Variants in MAST4 observed in about 807,000 individuals in gnomAD.
MAST4 encodes microtubule associated serine/threonine kinase family member 4.
MAST4 carries 89 observed loss-of-function variants against 162.7 expected under a neutral mutation model. The observed-to-expected ratio is 0.55, with a 90% CI of 0.46 to 0.65. MAST4 has a LOEUF of 0.65. Among genes scored for constraint, MAST4 ranks in the 30% least tolerant of loss-of-function variants. The pLI, the probability that MAST4 is intolerant of heterozygous loss-of-function variation, is 0.00. For missense variants in MAST4, 3,153 were observed against 3,374.0 expected, an observed-to-expected ratio of 0.93 and a Z score of 1.62; for synonymous variants, 1,479 against 1,361.1, an observed-to-expected ratio of 1.09 and a Z score of -1.91.
intron 14 of MAST4, among the ~76,000 whole-genome samples, chr5:67,129,428 T>C (rs1768661204): frequency 6.6e-6 from 1 of 152,134 alleles, no homozygotes; most frequent in African/African-American, 2.4e-5. Flanking sequence ...TAGAAAATTA[T>C]TGCTTTAGGG....
intron 2 of MAST4, among the ~76,000 whole-genome samples, chr5:66,776,590 G>C (rs1281698011): frequency 6.6e-6 from 1 of 152,100 alleles, no homozygotes; most frequent in Non-Finnish European, 1.5e-5. Flanking sequence ...ACAAACACTT[G>C]AGCCAAACTT....
chr5:66,690,508 C>T (rs1580205750), intron 1 of MAST4, among the ~76,000 whole-genome samples: 1 of 152,164 alleles, frequency 6.6e-6, no homozygotes, highest in South Asian at 2.1e-4. Flanking sequence ...CACTGGCTAG[C>T]AGTTTTTGGA....
intron 3 of MAST4, among the ~76,000 whole-genome samples, chr5:66,821,581 C>T (rs892715609): frequency 2.6e-5 from 4 of 151,982 alleles, no homozygotes; most frequent in East Asian, 1.9e-4. Flanking sequence ...TAACAGCAGG[C>T]GGTAGTATTG....
chr5:67,036,942 A>G (rs752659734), intron 4 of MAST4, among the ~76,000 whole-genome samples: 19 of 152,298 alleles, frequency 1.2e-4, no homozygotes, highest in Non-Finnish European at 2.2e-4. Flanking sequence ...GAGACTAATC[A>G]TTTGTCCCTC....
At chr5:66,776,950 A>C (rs1394782659) in intron 2 of MAST4, among the ~76,000 whole-genome samples, 1 of 152,118 alleles carries the variant, frequency 6.6e-6, no homozygotes, top group Non-Finnish European at 1.5e-5. Flanking sequence ...ATTCAATGCC[A>C]ATGGTGCCAG....
chr5:66,871,907 AT>A (rs1338819491), intron 3 of MAST4, among the ~76,000 whole-genome samples: 1 of 152,164 alleles, frequency 6.6e-6, no homozygotes, highest in Admixed American at 6.5e-5. Flanking sequence ...AGGGTGGAAA[AT>A]TTTGCCAATT....
chr5:66,975,397 C>A (rs569124875), intron 4 of MAST4, among the ~76,000 whole-genome samples: 2 of 152,156 alleles, frequency 1.3e-5, no homozygotes, highest in Admixed American at 1.3e-4. Flanking sequence ...AGCACTTTCA[C>A]GTTCATGTTA....
chr5:66,711,784 G>A (rs1003305832), intron 1 of MAST4, among the ~76,000 whole-genome samples: 3 of 152,160 alleles, frequency 2.0e-5, no homozygotes, highest in Admixed American at 6.5e-5. Context: ...GCAGTGTGCC[G>A]AGATCATGCC....
chr5:67,069,833 C>T (rs906420981), intron 5 of MAST4, among the ~76,000 whole-genome samples: 6 of 150,920 alleles, frequency 4.0e-5, no homozygotes, highest in South Asian at 2.1e-4. Flanking sequence ...CCAGAGTGAC[C>T]GGCCAGTGTC....
chr5:67,114,231 G>A lies in MAST4; in HGVS notation c.1591+12G>A, dbSNP rs764675940. On this transcript the variant is annotated intron_variant, in intron 12 of 28. Transcript: ENST00000403625. The stretch of plus-strand genomic sequence containing the variant: ...GGATCCCTTGGAAGGTGAGTCCCTG[G>A]GTTGTTCCTACCTTTGACTTTGCTT... 3 of 1,604,618 alleles carry A rather than the reference G, an allele frequency of 1.9e-6. No individual in the cohort carries two copies. Among genetic ancestry groups the A allele is most frequent in the East Asian group, 4.5e-5 (2 of 44,228 alleles).
intron 1 of MAST4, among the ~76,000 whole-genome samples, chr5:66,677,919 C>G (rs1189943804): frequency 6.6e-6 from 1 of 152,144 alleles, no homozygotes; most frequent in Admixed American, 6.6e-5. Flanking sequence ...CAGATTCCCG[C>G]ATCCAATCCC....
intron 4 of MAST4, among the ~76,000 whole-genome samples, chr5:66,909,754 A>G (rs1252824943): frequency 1.3e-5 from 2 of 151,832 alleles, no homozygotes; most frequent in Admixed American, 1.3e-4. Flanking sequence ...CTCATCTTGA[A>G]TTGTAAAAAT....
intron 5 of MAST4, among the ~76,000 whole-genome samples, chr5:67,072,587 TATATTC>T (rs1761116235): frequency 1.3e-5 from 2 of 152,198 alleles, no homozygotes; most frequent in Admixed American, 1.3e-4. Flanking sequence ...TAAAATTTGT[TATATTC>T]ATATGACATA....
chr5:66,826,612 C>A (rs999137286), intron 3 of MAST4, among the ~76,000 whole-genome samples: 1 of 152,094 alleles, frequency 6.6e-6, no homozygotes. Context: ...CCACCCCCCC[C>A]AATCCCCCGT....
At chr5:67,009,803 G>A (rs1752458823) in intron 4 of MAST4, among the ~76,000 whole-genome samples, 1 of 152,170 alleles carries the variant, frequency 6.6e-6, no homozygotes, top group Non-Finnish European at 1.5e-5. Context: ...GGGAGTGGGG[G>A]TGAGACCTGC....
chr5:67,168,403 ATG>A lies in MAST4; in HGVS notation c.*1355_*1356del. The A allele has an allele frequency of 6.6e-6, 1 of 152,342 alleles. No individual in the cohort carries two copies. The highest frequency in any genetic ancestry group is 2.1e-4 in the South Asian group (1 of 4,826). The allele number at this position is 152,342 out of a possible 1,614,324, so 9.4% of individuals were successfully genotyped here. A position where few individuals can be genotyped will look rare whatever the true frequency, so the allele number is the denominator to read the frequency against. The stretch of plus-strand genomic sequence containing the variant: ...CTCGCTGGAGCTATTTGGTGCTTGA[ATG>A]TGACCATCCTTTTTACTTTTGCTAA... On this transcript the variant is annotated 3_prime_UTR_variant, in exon 29 of 29. Coordinates refer to ENST00000403625, the MANE Select transcript of MAST4 (RefSeq NM_001164664.2).
At chr5:66,608,012 A>G (rs966562899) in intron 1 of MAST4, among the ~76,000 whole-genome samples, 5 of 151,940 alleles carry the variant, frequency 3.3e-5, no homozygotes, top group Admixed American at 2.6e-4. Context: ...TTGAAATGAA[A>G]TGATTAAATC....
Position 67,164,781 on chromosome 5 carries a change from A to G in MAST4, c.5602A>G (p.Lys1868Glu), listed in dbSNP as rs1475429888. The change falls in exon 29 of 29, where the codon AAA (lysine) becomes GAA (glutamate). Residue 1868 changes from lysine (K) to glutamate (E), a missense_variant. This residue lies in a region of MAST4 where 1,644 missense variants were observed against 1,495.0 expected (regional missense o/e 1.10). Transcript: ENST00000403625. The surrounding 1 kb of genome is among the most constrained non-coding windows in gnomAD (Gnocchi z 5.3). ...ELSPSSLKMN[K>E]SYLLEPWFLP... is the part of the protein sequence containing the mutation. ...TTCTCCTTCCAGCTTAAAGATGAAT[A>G]AATCCTACCTGCTGGAGCCTTGGTT... The G allele has an allele frequency of 6.2e-7, 1 of 1,613,876 alleles. No homozygotes were observed. The highest frequency in any genetic ancestry group is 1.3e-5 in the African/African-American group (1 of 74,924).
intron 1 of MAST4, among the ~76,000 whole-genome samples, chr5:66,686,985 C>CA (rs2149491109): frequency 6.6e-6 from 1 of 152,238 alleles, no homozygotes; most frequent in Non-Finnish European, 1.5e-5. Flanking sequence ...GAAAAGTGTG[C>CA]AAAGAATGTT....
Sources: allele counts gnomAD v4.1 joint callset (sites outside exome capture counted in the v4.1 genomes callset), GRCh38; gene constraint gnomAD v4.1.1; regional missense constraint gnomAD v4.1.1; non-coding constraint Gnocchi (gnomAD v3.1); transcripts MANE v1.5; gene names NCBI Gene and HGNC (gene_info 2026-07-23, HGNC 2026-07-21).